Variants in CHKA observed in about 807,000 individuals in gnomAD.
The protein encoded by CHKA is choline kinase alpha, also known as CHETK-alpha.
CHKA carries 34 observed loss-of-function variants against 60.1 expected under a neutral mutation model. The ratio of observed to expected loss-of-function variants is 0.57; its 90% CI spans 0.43 to 0.75. CHKA has a LOEUF of 0.75. Ranked by LOEUF, CHKA falls within the 30% of genes least tolerant of loss-of-function variation. The pLI is 0.00. For synonymous variants in CHKA, 217 were observed against 223.1 expected, an observed-to-expected ratio of 0.97 and a Z score of 0.24; for missense variants, 563 against 561.3, an observed-to-expected ratio of 1.00 and a Z score of -0.03.
intron 2 of CHKA, 124 bp from the exon 3 acceptor site, chr11:68,081,581 G>T: frequency 1.4e-6 from 1 of 710,392 alleles, no homozygotes; most frequent in Non-Finnish European, 2.4e-6. Flanking sequence ...AGGTTTCTCA[G>T]CCCACCGATG....
intron 11 of CHKA, among the ~76,000 whole-genome samples, chr11:68,061,187 A>C (rs1247886136): frequency 7.2e-6 from 1 of 139,326 alleles, no homozygotes; most frequent in Non-Finnish European, 1.5e-5. Flanking sequence ...GCTCACTGCA[A>C]CCTCCACCTC....
At chr11:68,071,948 C>G (rs1856632565) in intron 4 of CHKA, among the ~76,000 whole-genome samples, 2 of 152,162 alleles carry the variant, frequency 1.3e-5, no homozygotes, top group African/African-American at 4.8e-5. Context: ...GCACTGTCAC[C>G]ACAGCACTGT....
chr11:68,053,797 G>A lies in CHKA; in HGVS notation c.*191C>T. On this transcript the variant is annotated 3_prime_UTR_variant, in exon 12 of 12. Coordinates refer to ENST00000265689, the MANE Select transcript of CHKA (RefSeq NM_001277.3). ...CCCGATCTCGTTTCTGAGTCCTAGTGAAATCGTAAACAAGAGATGAAATAA... is the reference window on the plus strand; with the variant it reads ...CCCGATCTCGTTTCTGAGTCCTAGTAAAATCGTAAACAAGAGATGAAATAA... 2 of 522,154 alleles carry A rather than the reference G, an allele frequency of 3.8e-6. No individual in the cohort carries two copies. Among genetic ancestry groups the A allele is most frequent in the Non-Finnish European group, 6.9e-6 (2 of 290,784 alleles). 32.3% of individuals were successfully genotyped at this position (522,154 alleles called of 1,614,324 possible). A position where few individuals can be genotyped will look rare whatever the true frequency, so the allele number is the denominator to read the frequency against.
intron 2 of CHKA, among the ~76,000 whole-genome samples, chr11:68,096,648 T>C (rs1229311447): frequency 6.6e-6 from 1 of 152,224 alleles, no homozygotes; most frequent in African/African-American, 2.4e-5. Flanking sequence ...TTTTGGATAA[T>C]GTTATAAAAA....
At chr11:68,090,835 A>G (rs148111296) in intron 2 of CHKA, among the ~76,000 whole-genome samples, 323 of 152,322 alleles carry the variant, frequency 2.1e-3, no homozygotes, top group Non-Finnish European at 3.3e-3. Flanking sequence ...GAGACCGCTC[A>G]TAACGGTGAG....
At chr11:68,113,454 T>C (rs943153253) in intron 1 of CHKA, among the ~76,000 whole-genome samples, 5 of 152,182 alleles carry the variant, frequency 3.3e-5, no homozygotes, top group South Asian at 4.1e-4. Flanking sequence ...CCCAGCACTT[T>C]GGGAGGCCGA....
intron 1 of CHKA, among the ~76,000 whole-genome samples, chr11:68,107,635 T>TC (rs1482772005): frequency 6.6e-6 from 1 of 152,032 alleles, no homozygotes; most frequent in Non-Finnish European, 1.5e-5. Flanking sequence ...TCCTCTCTGG[T>TC]CTCCCAGCTT....
chr11:68,074,922 C>T (rs908989665), intron 3 of CHKA, 92 bp from the exon 4 acceptor site: 5 of 1,102,262 alleles, frequency 4.5e-6, no homozygotes, highest in African/African-American at 1.5e-5. Flanking sequence ...TCATCTGATC[C>T]TCATGAGTAT....
intron 2 of CHKA, among the ~76,000 whole-genome samples, chr11:68,088,116 A>G (rs1277157255): frequency 6.7e-6 from 1 of 149,442 alleles, no homozygotes; most frequent in Non-Finnish European, 1.5e-5. Context: ...GTCTCAAAAA[A>G]AAAAAAAAAA....
rs144827136 is a variant in CHKA, at chr11:68,056,719, C to T, written c.1315-2672G>A. Reference sequence around the variant, plus strand: ...ATTTATCTCTTCACCCTTAAAATACCCTTTGTTAGCTAGGCATGGTGGCGG... The same window carrying T: ...ATTTATCTCTTCACCCTTAAAATACTCTTTGTTAGCTAGGCATGGTGGCGG... On this transcript the variant is annotated intron_variant, in intron 11 of 11. Transcript: ENST00000265689. Among the ~76,000 whole-genome samples, 1,062 of 152,134 alleles carry T rather than the reference C, an allele frequency of 7.0e-3. 5 individuals carry two copies. Among genetic ancestry groups the T allele is most frequent in the Non-Finnish European group, 9.5e-3 (648 of 68,014 alleles).
chr11:68,115,464 A>G (rs542171613), intron 1 of CHKA, among the ~76,000 whole-genome samples: 1 of 152,296 alleles, frequency 6.6e-6, no homozygotes, highest in Non-Finnish European at 1.5e-5. Context: ...GAAGTTGAGA[A>G]AGGGGAAGGC....
At chr11:68,054,092 C>G in intron 11 of CHKA, 45 bp from the exon 12 acceptor site, 3 of 1,530,682 alleles carry the variant, frequency 2.0e-6, no homozygotes, top group Non-Finnish European at 2.7e-6. Flanking sequence ...ATCCTGCTGG[C>G]CTGAACCCTG....
In CHKA at chr11:68,062,021, A is replaced by C; in HGVS notation, c.1246T>G (p.Ser416Ala). ...LLEVNRFALA[S>A]HFLWGLWSIV... ...GACCACAGTCCCCAGAGGAAATGAG[A>C]TGCAAGGGCAAACCTGGAATGATAA... Residue 416 changes from serine (S) to alanine (A), a missense_variant, in exon 11 of 12, where the codon TCT (serine) becomes GCT (alanine). Transcript: ENST00000265689. 1 of 1,592,504 alleles carries C rather than the reference A, an allele frequency of 6.3e-7. No individual in the cohort carries two copies. Among genetic ancestry groups the C allele is most frequent in the Non-Finnish European group, 8.6e-7 (1 of 1,168,124 alleles).
intron 1 of CHKA, among the ~76,000 whole-genome samples, chr11:68,105,847 C>A (rs1384478733): frequency 6.6e-6 from 1 of 152,132 alleles, no homozygotes; most frequent in Non-Finnish European, 1.5e-5. Flanking sequence ...CCCAGTCTAG[C>A]ACATACAGGG....
chr11:68,096,314 T>C (rs1590869038), intron 2 of CHKA, among the ~76,000 whole-genome samples: 1 of 152,078 alleles, frequency 6.6e-6, no homozygotes, highest in African/African-American at 2.4e-5. Context: ...TGAGCTGAGA[T>C]CACGCCATTG....
At chr11:68,099,202 A>G (rs1476662641) in intron 1 of CHKA, among the ~76,000 whole-genome samples, 2 of 152,230 alleles carry the variant, frequency 1.3e-5, no homozygotes, top group Admixed American at 6.5e-5. Flanking sequence ...GATGATAGCT[A>G]AAAGTTTCTT....
intron 1 of CHKA, among the ~76,000 whole-genome samples, chr11:68,114,516 T>C (rs921742112): frequency 6.6e-6 from 1 of 151,822 alleles, no homozygotes; most frequent in African/African-American, 2.4e-5. Flanking sequence ...GTCAATATGG[T>C]GAAACCCTGT....
At chr11:68,104,747 T>G (rs1482739201) in intron 1 of CHKA, among the ~76,000 whole-genome samples, 1 of 151,984 alleles carries the variant, frequency 6.6e-6, no homozygotes, top group Admixed American at 6.6e-5. Flanking sequence ...TACATGTCAA[T>G]TATAAACATT....
chr11:68,072,795 A>T (rs953834558), intron 4 of CHKA, among the ~76,000 whole-genome samples: 1 of 152,060 alleles, frequency 6.6e-6, no homozygotes, highest in Non-Finnish European at 1.5e-5. Flanking sequence ...AGAGTTCAAG[A>T]CCAGCCAGGG....
Sources: allele counts gnomAD v4.1 joint callset (sites outside exome capture counted in the v4.1 genomes callset), GRCh38; gene constraint gnomAD v4.1.1; transcripts MANE v1.5; gene names NCBI Gene and HGNC (gene_info 2026-07-23, HGNC 2026-07-21).